Variants in PCDHGA6 observed in about 807,000 individuals in gnomAD.
PCDHGA6 encodes the protein protocadherin gamma subfamily A, 6.
A neutral mutation model predicts 60.6 loss-of-function variants in PCDHGA6; 41 were observed. The observed-to-expected ratio is 0.68, with a 90% CI of 0.53 to 0.88. The LOEUF is 0.88. Ranked by LOEUF, PCDHGA6 falls within the 40% of genes least tolerant of loss-of-function variation. PCDHGA6 has a pLI of 0.00. For synonymous variants in PCDHGA6, 594 were observed against 524.4 expected (o/e 1.13, Z -1.81); for missense variants, 1,312 against 1,203.0 (o/e 1.09, Z -1.34).
At chr5:141,423,790 T>C (rs1561813105) in intron 1 of PCDHGA6, 2 of 1,261,874 alleles carry the variant, frequency 1.6e-6, no homozygotes, top group Non-Finnish European at 1.0e-6. Context: ...TTCATATATA[T>C]TTAGAGCAAT....
At chr5:141,404,198 T>G in intron 1 of PCDHGA6, 1 of 1,613,554 alleles carries the variant, frequency 6.2e-7, no homozygotes, top group Non-Finnish European at 8.5e-7. Flanking sequence ...AGAAAAAGCC[T>G]CAGAATATAA....
chr5:141,419,923 G>A, intron 1 of PCDHGA6: 4 of 1,614,088 alleles, frequency 2.5e-6, no homozygotes, highest in Non-Finnish European at 3.4e-6. Flanking sequence ...AGGCTGAGAT[G>A]CAGTTTTACC....
chr5:141,454,779 A>G (rs1387404898), intron 1 of PCDHGA6, among the ~76,000 whole-genome samples: 2 of 146,092 alleles, frequency 1.4e-5, no homozygotes, highest in African/African-American at 2.6e-5. Context: ...ACAAGGAAAT[A>G]ATCCTCCATG....
At chr5:141,450,982 A>G (rs746572732) in intron 1 of PCDHGA6, among the ~76,000 whole-genome samples, 18 of 151,360 alleles carry the variant, frequency 1.2e-4, no homozygotes, top group Non-Finnish European at 1.9e-4. Context: ...GTGCCACCAC[A>G]CCCGGCTAAT....
At chr5:141,439,202 A>AG (rs1348445707) in intron 1 of PCDHGA6, among the ~76,000 whole-genome samples, 2 of 151,954 alleles carry the variant, frequency 1.3e-5, no homozygotes, top group African/African-American at 4.8e-5. Context: ...AAAAAAAAAA[A>AG]AAATCCATAT....
At chr5:141,428,020 C>T (rs1443722620) in intron 1 of PCDHGA6, 1 of 1,605,408 alleles carries the variant, frequency 6.2e-7, no homozygotes, top group Admixed American at 1.7e-5. Context: ...GTGCCACGCG[C>T]CGCAGAGTCC....
At chr5:141,414,491 A>T in intron 1 of PCDHGA6, 1 of 1,613,962 alleles carries the variant, frequency 6.2e-7, no homozygotes, top group Non-Finnish European at 8.5e-7. Flanking sequence ...CTATCAACGG[A>T]AGCTCACTTT....
At chr5:141,383,314 A>C (rs1362079173) in intron 1 of PCDHGA6, 4 of 1,613,886 alleles carry the variant, frequency 2.5e-6, no homozygotes, top group Non-Finnish European at 8.5e-7. Flanking sequence ...GGAAGAAATA[A>C]ATGTAAAAAT....
chr5:141,459,404 G>C (rs2098967432), intron 1 of PCDHGA6, among the ~76,000 whole-genome samples: 1 of 152,182 alleles, frequency 6.6e-6, no homozygotes, highest in Non-Finnish European at 1.5e-5. Flanking sequence ...GAGCAGTATT[G>C]CATTGTGTGG....
At chr5:141,456,860 G>A (rs1345260160) in intron 1 of PCDHGA6, among the ~76,000 whole-genome samples, 1 of 152,170 alleles carries the variant, frequency 6.6e-6, no homozygotes, top group African/African-American at 2.4e-5. Flanking sequence ...CTAATTGGGA[G>A]GCTGAGGCAG....
intron 3 of PCDHGA6, among the ~76,000 whole-genome samples, chr5:141,509,781 T>TCATC (rs1198131164): frequency 6.6e-6 from 1 of 152,116 alleles, no homozygotes; most frequent in Non-Finnish European, 1.5e-5. Flanking sequence ...GTCCCCGAGA[T>TCATC]CATCATCTCC....
At chr5:141,405,261 T>A (rs1445565178) in intron 1 of PCDHGA6, 1 of 1,613,852 alleles carries the variant, frequency 6.2e-7, no homozygotes, top group South Asian at 1.1e-5. Context: ...CACCTGATCT[T>A]CCCCCAGCCC....
At chr5:141,421,587 G>T (rs758433133) in intron 1 of PCDHGA6, 6 of 1,613,900 alleles carry the variant, frequency 3.7e-6, no homozygotes, top group Non-Finnish European at 4.2e-6. Flanking sequence ...TTTACGGAGT[G>T]GAGGTGGAAA....
At position 141,491,899 on chromosome 5, in the gene PCDHGA6, G is replaced by A; in HGVS notation, c.2425-2908G>A. The A allele has an allele frequency of 7.0e-7, 1 of 1,433,322 alleles. No homozygotes were observed. Among genetic ancestry groups the A allele is most frequent in the South Asian group, 1.5e-5 (1 of 67,156 alleles). The allele number at this position is 1,433,322 out of a possible 1,614,324, so 88.8% of individuals were successfully genotyped here. A position where few individuals can be genotyped will look rare whatever the true frequency, so the allele number is the denominator to read the frequency against. On this transcript the variant is annotated intron_variant, in intron 1 of 3. Coordinates refer to ENST00000517434, the MANE Select transcript of PCDHGA6 (RefSeq NM_018919.3). The surrounding 1 kb of genome is among the most constrained non-coding windows in gnomAD (Gnocchi z 6.9). ...TTAAGGGATGGGGCTCCGAGCACCG[G>A]GGGTGGTGGCGACTGTGGGCGAGGG... is the stretch of plus-strand genomic sequence containing the variant.
At chr5:141,410,508 G>C in intron 1 of PCDHGA6, 2 of 1,613,968 alleles carry the variant, frequency 1.2e-6, no homozygotes, top group Non-Finnish European at 8.5e-7. Flanking sequence ...TTCCTAAAAT[G>C]CAGTGTGCCC....
In PCDHGA6 at chr5:141,489,362, C is replaced by T. The variant is rs1562129544; in HGVS notation, c.2425-5445C>T. 8 of 1,613,052 alleles carry T rather than the reference C, an allele frequency of 5.0e-6. No individual in the cohort carries two copies. Among genetic ancestry groups the T allele is most frequent in the South Asian group, 2.2e-5 (2 of 90,970 alleles). On this transcript the variant is annotated intron_variant, in intron 1 of 3. Coordinates refer to ENST00000517434, the MANE Select transcript of PCDHGA6 (RefSeq NM_018919.3). The surrounding 1 kb of genome is among the most constrained non-coding windows in gnomAD (Gnocchi z 4.5). ...TACTCAGTGGTGGAGGAGTCTGAGC[C>T]GGGGACGCTGGTGGGGAATGTTGCT...
At chr5:141,438,400 T>C (rs2154557880) in intron 1 of PCDHGA6, among the ~76,000 whole-genome samples, 1 of 151,918 alleles carries the variant, frequency 6.6e-6, no homozygotes, top group Non-Finnish European at 1.5e-5. Context: ...TCATTAACTC[T>C]CTGAAGTATT....
In PCDHGA6 at chr5:141,375,703, G is replaced by T. The variant is rs776426026; in HGVS notation, c.1620G>T (p.Pro540=). The T allele has an allele frequency of 5.6e-6, 9 of 1,614,144 alleles. No individual in the cohort carries two copies. The highest frequency in any genetic ancestry group is 7.6e-6 in the Non-Finnish European group (9 of 1,180,056). Residue 540 remains proline (P), a synonymous_variant, in exon 1 of 4, where the codon CCG becomes CCT. Coordinates refer to ENST00000517434, the MANE Select transcript of PCDHGA6 (RefSeq NM_018919.3). ...LWVTASDSGD[P]PLSSNVSLSL... ...TGACAGCCAGCGACAGCGGGGACCCGCCTCTTAGCAGCAACGTGTCACTGA... is the reference window on the plus strand; with the variant it reads ...TGACAGCCAGCGACAGCGGGGACCCTCCTCTTAGCAGCAACGTGTCACTGA...
chr5:141,485,106 TGGCTGTTTGGGGCGGGTC>T lies in PCDHGA6; in HGVS notation c.2425-9696_2425-9679del. 1 of 1,206,448 alleles carries T rather than the reference TGGCTGTTTGGGGCGGGTC, an allele frequency of 8.3e-7. No homozygotes were observed. The highest frequency in any genetic ancestry group is 1.2e-6 in the Non-Finnish European group (1 of 828,284). 74.7% of individuals were successfully genotyped at this position (1,206,448 alleles called of 1,614,324 possible). Reference sequence around the variant, plus strand: ...GGGAGATAGGTGTCTCCAGCTGCTGTGGCTGTTTGGGGCGGGTCGGCTTCATCCGCGTCTCAGGAGCAA... The same window carrying T: ...GGGAGATAGGTGTCTCCAGCTGCTGTGGCTTCATCCGCGTCTCAGGAGCAA... On this transcript the variant is annotated intron_variant, in intron 1 of 3. Coordinates refer to ENST00000517434, the MANE Select transcript of PCDHGA6 (RefSeq NM_018919.3). This position sits in a 1 kb window ranked among gnomAD's most constrained non-coding sequence, Gnocchi z 5.7.
Sources: gnomAD v4.1 joint callset for allele counts (sites outside exome capture counted in the v4.1 genomes callset) on GRCh38, gnomAD v4.1.1 for gene constraint, Gnocchi (gnomAD v3.1) non-coding constraint, MANE v1.5 for transcripts, NCBI Gene and HGNC (gene_info 2026-07-23, HGNC 2026-07-21) for gene names.